The following BAG3 variants were observed in gnomAD, a reference collection of about 807,000 sequenced individuals.
BAG3 encodes BAG family molecular chaperone regulator 3.
A neutral mutation model predicts 40.5 loss-of-function variants in BAG3; 14 were observed. The observed-to-expected ratio is 0.35, with a 90% CI of 0.23 to 0.54. The LOEUF (loss-of-function observed/expected upper bound fraction) is 0.54. BAG3 is among the 20% of genes least tolerant of loss of function. The pLI is 0.91. For synonymous variants in BAG3, 302 were observed against 307.8 expected, an observed-to-expected ratio of 0.98 and a Z score of 0.20; for missense variants, 788 against 758.6, an observed-to-expected ratio of 1.04 and a Z score of -0.46.
In BAG3 at chr10:119,670,038, G is replaced by A. The variant is rs199991063; in HGVS notation, c.368G>A (p.Arg123Gln). ...CCCCAGCCTGGGATGCAGCGATTCC[G>A]AACTGAGGCGGCAGCAGCGGCTCCT... ...VYPQPGMQRF[R>Q]TEAAAAAPQR... Residue 123 changes from arginine to glutamine, a missense_variant, in exon 2 of 4, where the codon CGA (arginine) becomes CAA (glutamine). Physicochemically the swap from Arg to Gln is conservative, Grantham distance 43 (BLOSUM62 1). Coordinates refer to ENST00000369085, the MANE Select transcript of BAG3 (RefSeq NM_004281.4). 115 of 1,614,084 alleles carry A rather than the reference G, an allele frequency of 7.1e-5. No homozygotes were observed. The highest frequency in any genetic ancestry group is 9.5e-5 in the Non-Finnish European group (112 of 1,180,056).
intron 1 of BAG3, among the ~76,000 whole-genome samples, chr10:119,662,691 G>T (rs1317117291): frequency 6.6e-6 from 1 of 152,120 alleles, no homozygotes; most frequent in East Asian, 1.9e-4. Context: ...GGAAGCTGTG[G>T]TTTGTAGATG....
At position 119,674,847 on chromosome 10, in the gene BAG3, C is replaced by T. The variant is rs182505976; in HGVS notation, c.910-1617C>T. 5.3e-5 allele frequency among the ~76,000 whole-genome samples: 8 copies of T among 151,618 alleles called. No individual in the cohort carries two copies. In the East Asian group the frequency reaches 5.8e-4, roughly 11 times the overall value. The stretch of plus-strand genomic sequence containing the variant: ...AAAGTTAACCAGGCATGTTGGTGGG[C>T]GCCTGTAATCCCAGCTACTCGGGAG... On this transcript the variant is annotated intron_variant, in intron 3 of 3. Transcript: ENST00000369085.
chr10:119,675,822 T>C (rs1244157774), intron 3 of BAG3, among the ~76,000 whole-genome samples: 2 of 33,744 alleles, frequency 5.9e-5, no homozygotes, highest in Non-Finnish European at 1.1e-4. Context: ...CCCTGCTTCC[T>C]TCCCCCTTCC....
At chr10:119,660,677 C>T (rs994353967) in intron 1 of BAG3, among the ~76,000 whole-genome samples, 12 of 151,730 alleles carry the variant, frequency 7.9e-5, no homozygotes, top group Non-Finnish European at 1.6e-4. Flanking sequence ...GAGACCTTGT[C>T]TCTAAAATAA....
At chr10:119,662,088 C>T (rs980577530) in intron 1 of BAG3, among the ~76,000 whole-genome samples, 1 of 152,078 alleles carries the variant, frequency 6.6e-6, no homozygotes, top group African/African-American at 2.4e-5. Flanking sequence ...CACTCTCTTG[C>T]CCAGGCTGGA....
chr10:119,672,564 G>A lies in BAG3; in HGVS notation c.817G>A (p.Ala273Thr). 1.2e-6 allele frequency: 2 copies of A among 1,614,078 alleles called. No individual in the cohort carries two copies. Among genetic ancestry groups the A allele is most frequent in the Non-Finnish European group, 1.7e-6 (2 of 1,180,006 alleles). ...CCCGTTCAGGTCATCTGTCCAGGGT[G>A]CATCGAGCCGGGAGGGCTCACCAGC... The part of the protein sequence containing the change: ...ASPFRSSVQG[A>T]SSREGSPARS... The change falls in exon 3 of 4, where the codon GCA becomes ACA. Residue 273 changes from alanine (A) to threonine (T), a missense_variant. Physicochemically the swap from Ala to Thr is moderately conservative, Grantham distance 58. Transcript: ENST00000369085. The surrounding 1 kb of genome is among the most constrained non-coding windows in gnomAD (Gnocchi z 4.8).
intron 1 of BAG3, among the ~76,000 whole-genome samples, chr10:119,660,344 C>T (rs775282044): frequency 5.3e-5 from 8 of 152,322 alleles, no homozygotes; most frequent in South Asian, 2.1e-4. Flanking sequence ...CCCAGAGCAG[C>T]GGCCCAGCCT....
rs796123466 is a variant in BAG3, at chr10:119,672,275, C to T, written c.528C>T (p.Ala176=). Reference sequence around the variant, plus strand: ...TGCAGCGGTCCCAGTCTCCAGCTGCCTCTGACTGCTCATCCTCATCCTCCT... The same window carrying T: ...TGCAGCGGTCCCAGTCTCCAGCTGCTTCTGACTGCTCATCCTCATCCTCCT... ...HGPERSQSPA[A]SDCSSSSSSA... The change falls in exon 3 of 4, where the codon GCC becomes GCT. Residue 176 remains alanine (A), a synonymous_variant. Transcript: ENST00000369085. The surrounding 1 kb of genome is among the most constrained non-coding windows in gnomAD (Gnocchi z 4.8). 5.0e-6 allele frequency: 8 copies of T among 1,613,718 alleles called. No individual in the cohort carries two copies. Among genetic ancestry groups the T allele is most frequent in the Non-Finnish European group, 6.8e-6 (8 of 1,180,038 alleles).
rs200242752 is a variant in BAG3, at chr10:119,676,726, C to T, written c.1172C>T (p.Ala391Val). 1.9e-6 allele frequency: 3 copies of T among 1,614,134 alleles called. No individual in the cohort carries two copies. The highest frequency in any genetic ancestry group is 2.5e-6 in the Non-Finnish European group (3 of 1,180,006). ...GTCCCCTCTTCCCCCAAGAGTGTGG[C>T]TACAGAAGAGAGGGCAGCCCCCAGC... is the stretch of plus-strand genomic sequence containing the variant. ...SAVPSSPKSV[A>V]TEERAAPSTA... The change falls in exon 4 of 4, where the codon GCT becomes GTT. Residue 391 changes from alanine to valine, a missense_variant. Physicochemically the swap from Ala to Val is moderately conservative, Grantham distance 64. Transcript: ENST00000369085.
chr10:119,669,249 G>A (rs538688259), intron 1 of BAG3, among the ~76,000 whole-genome samples: 27 of 152,258 alleles, frequency 1.8e-4, no homozygotes, highest in Admixed American at 5.9e-4. Flanking sequence ...GTTAACCCTG[G>A]GTGCCCCTCT....
At chr10:119,669,308 T>C (rs1446788724) in intron 1 of BAG3, among the ~76,000 whole-genome samples, 1 of 152,176 alleles carries the variant, frequency 6.6e-6, no homozygotes, top group Non-Finnish European at 1.5e-5. Flanking sequence ...CTGCAAATTG[T>C]TCTAACAATA....
chr10:119,658,315 A>T (rs1181305307), intron 1 of BAG3, among the ~76,000 whole-genome samples: 1 of 152,220 alleles, frequency 6.6e-6, no homozygotes, highest in East Asian at 1.9e-4. Flanking sequence ...CCAGCATCCC[A>T]GCGGGGTTAG....
At chr10:119,673,902 A>G (rs1003483647) in intron 3 of BAG3, among the ~76,000 whole-genome samples, 21 of 152,236 alleles carry the variant, frequency 1.4e-4, no homozygotes, top group African/African-American at 4.1e-4. Flanking sequence ...TGAATAGCAA[A>G]TATTTTCCTA....
intron 2 of BAG3, among the ~76,000 whole-genome samples, chr10:119,671,850 G>T (rs1431128532): frequency 6.6e-6 from 1 of 152,150 alleles, no homozygotes; most frequent in Non-Finnish European, 1.5e-5. Context: ...GTGCAGTGGT[G>T]TGATCTCAAA....
In BAG3 at chr10:119,672,355, G is replaced by T; in HGVS notation, c.608G>T (p.Arg203Leu). 6.2e-7 allele frequency: 1 copy of T among 1,614,078 alleles called. No homozygotes were observed. The highest frequency in any genetic ancestry group is 8.5e-7 in the Non-Finnish European group (1 of 1,180,012). ...RSSLGSHQLPRGYISIPVIHE... is the reference protein window; with the variant it reads ...RSSLGSHQLPLGYISIPVIHE... ...AGCCTGGGCAGTCACCAGCTCCCGC[G>T]GGGGTACATCTCCATTCCGGTGATA... is the stretch of plus-strand genomic sequence containing the variant. The change falls in exon 3 of 4, where the codon CGG (arginine) becomes CTG (leucine). Residue 203 changes from arginine (R) to leucine (L), a missense_variant. Arg to Leu is a moderately radical substitution (Grantham distance 102). Transcript: ENST00000369085. This position sits in a 1 kb window ranked among gnomAD's most constrained non-coding sequence, Gnocchi z 4.8.
intron 2 of BAG3, among the ~76,000 whole-genome samples, chr10:119,670,583 T>G (rs1847137224): frequency 1.3e-5 from 2 of 152,240 alleles, no homozygotes; most frequent in Admixed American, 1.3e-4. Flanking sequence ...CAGAGATAGC[T>G]GTGCATTATT....
chr10:119,657,693 C>A, intron 1 of BAG3: 1 of 447,460 alleles, frequency 2.2e-6, no homozygotes, highest in Non-Finnish European at 4.6e-6. Context: ...CAAAGGACTT[C>A]AGTATTGATT....
chr10:119,656,374 C>G (rs923849150), intron 1 of BAG3, among the ~76,000 whole-genome samples: 1 of 149,078 alleles, frequency 6.7e-6, no homozygotes, highest in Non-Finnish European at 1.5e-5. Context: ...ACTCAGCTGG[C>G]CTTCTTTTTT....
At position 119,672,686 on chromosome 10, in the gene BAG3, T is replaced by G. The variant is rs781395340; in HGVS notation, c.909+30T>G. 5.3e-5 allele frequency: 86 copies of G among 1,608,032 alleles called. No homozygotes were observed. The highest frequency in any genetic ancestry group is 3.3e-4 in the Middle Eastern group (2 of 6,084). On this transcript the variant is annotated intron_variant, in intron 3 of 3. Transcript: ENST00000369085. The surrounding 1 kb of genome is among the most constrained non-coding windows in gnomAD (Gnocchi z 4.8). Reference sequence around the variant, plus strand: ...GGGAAGTTAGTCGTCAGCAGACTGGTTATGGTGGTATGTCTCCAGGGGTGC... The same window carrying G: ...GGGAAGTTAGTCGTCAGCAGACTGGGTATGGTGGTATGTCTCCAGGGGTGC...
Sources: gnomAD v4.1 joint callset for allele counts (sites outside exome capture counted in the v4.1 genomes callset) on GRCh38, gnomAD v4.1.1 for gene constraint, Gnocchi (gnomAD v3.1) non-coding constraint, MANE v1.5 for transcripts, NCBI Gene and HGNC (gene_info 2026-07-23, HGNC 2026-07-21) for gene names.